ADRA1B: variants seen among roughly 807,000 people sequenced by gnomAD.
ADRA1B encodes adrenoceptor alpha 1B, also known as alpha-1B adrenergic receptor.
Under a neutral mutation model 17.9 loss-of-function variants are expected in ADRA1B, and 17 were observed. That is an observed-to-expected ratio of 0.95 (90% CI 0.65 to 1.42). The LOEUF is 1.42. Ranked by LOEUF, ADRA1B falls within the 40% of genes most tolerant of loss-of-function variation. The pLI is 0.00. For missense variants in ADRA1B, 681 were observed against 722.1 expected (o/e 0.94, Z 0.65); for synonymous variants, 366 against 327.6 (o/e 1.12, Z -1.27).
upstream of ADRA1B, among the ~76,000 whole-genome samples, chr5:159,912,188 CT>C (rs1434511073): frequency 6.6e-6 from 1 of 152,194 alleles, no homozygotes; most frequent in Non-Finnish European, 1.5e-5. Context: ...CCCTGTAGAG[CT>C]AGGAACTATT....
chr5:159,887,785 T>C (rs1174477546), intron 1 of ADRA1B, among the ~76,000 whole-genome samples: 1 of 152,166 alleles, frequency 6.6e-6, no homozygotes. Context: ...AGCCTCTCTG[T>C]GTAGAGGTGG....
At chr5:159,941,514 T>C (rs1187421357) in intron 1 of ADRA1B, among the ~76,000 whole-genome samples, 1 of 152,160 alleles carries the variant, frequency 6.6e-6, no homozygotes, top group Admixed American at 6.5e-5. Flanking sequence ...GACCCAGCAG[T>C]CCGACTCCTA....
At chr5:159,907,955 TCACACA>T (rs371637793) in intron 1 of ADRA1B, among the ~76,000 whole-genome samples, 20 of 147,024 alleles carry the variant, frequency 1.4e-4, no homozygotes, top group Non-Finnish European at 2.3e-4. Context: ...TCTCTCTCTG[TCACACA>T]CACACACACA....
At chr5:159,884,909 A>C (rs1203011910) in intron 1 of ADRA1B, among the ~76,000 whole-genome samples, 1 of 152,252 alleles carries the variant, frequency 6.6e-6, no homozygotes, top group African/African-American at 2.4e-5. Context: ...TCAGTTACAC[A>C]ACTCACTGTT....
chr5:159,953,572 G>A (rs1755491547), intron 1 of ADRA1B, among the ~76,000 whole-genome samples: 1 of 152,102 alleles, frequency 6.6e-6, no homozygotes, highest in South Asian at 2.1e-4. Context: ...CTCTGGGTCG[G>A]GCCTCAAATT....
Position 159,971,869 on chromosome 5 carries a change from C to A in ADRA1B, c.950-10C>A. 2 of 479,574 alleles carry A rather than the reference C, an allele frequency of 4.2e-6. No homozygotes were observed. Among genetic ancestry groups the A allele is most frequent in the Non-Finnish European group, 6.3e-6 (2 of 319,054 alleles). 29.7% of individuals were successfully genotyped at this position (479,574 alleles called of 1,614,324 possible). A position where few individuals can be genotyped will look rare whatever the true frequency, so the allele number is the denominator to read the frequency against. ...CTTTCTGCCCGTGCCCACCCCCCTC[C>A]CCACTGCAGGCTCCTTGTTCTCCAC... On this transcript the variant is annotated splice_polypyrimidine_tract_variant and intron_variant, in intron 1 of 1. Coordinates refer to ENST00000306675, the MANE Select transcript of ADRA1B (RefSeq NM_000679.4).
In ADRA1B at chr5:159,881,822, G is replaced by A. The variant is rs529988498; in HGVS notation, c.-256+16616G>A. ...AGAAGTATACTATCCTAGGATTTCC[G>A]GGCATGGGCTGTAGGGACTGGAGGC... On this transcript the variant is annotated intron_variant, in intron 1 of 2. Coordinates refer to the ADRA1B transcript ENST00000641205. 3.9e-5 allele frequency among the ~76,000 whole-genome samples: 6 copies of A among 152,204 alleles called. No individual in the cohort carries two copies. The South Asian group carries it at 1.0e-3, about 26-fold the overall frequency.
chr5:159,930,514 G>T (rs775986585), intron 1 of ADRA1B, among the ~76,000 whole-genome samples: 14 of 152,168 alleles, frequency 9.2e-5, no homozygotes, highest in Non-Finnish European at 1.6e-4. Flanking sequence ...AGGAGGCGGA[G>T]GTTGCAGTGA....
intron 1 of ADRA1B, among the ~76,000 whole-genome samples, chr5:159,900,959 T>C (rs573028861): frequency 3.6e-4 from 55 of 152,250 alleles, no homozygotes; most frequent in African/African-American, 1.3e-3. Flanking sequence ...GGAGAGAAAA[T>C]AGTTTTAATT....
At chr5:159,962,784 C>A (rs1227425455) in intron 1 of ADRA1B, among the ~76,000 whole-genome samples, 1 of 149,602 alleles carries the variant, frequency 6.7e-6, no homozygotes, top group African/African-American at 2.5e-5. Flanking sequence ...AATCCTCCCA[C>A]CTCAGCCTCC....
chr5:159,987,553 G>T, the ADRA1B span, among the ~76,000 whole-genome samples: 1 of 152,218 alleles, frequency 6.6e-6, no homozygotes, highest in Non-Finnish European at 1.5e-5. Context: ...CGCGCCACCC[G>T]CTGGCCAACG....
At chr5:159,895,373 C>T (rs1043289987) in intron 1 of ADRA1B, among the ~76,000 whole-genome samples, 14 of 152,234 alleles carry the variant, frequency 9.2e-5, no homozygotes, top group Non-Finnish European at 1.8e-4. Flanking sequence ...GTGCTACATG[C>T]TTTCTTTACA....
intron 1 of ADRA1B, among the ~76,000 whole-genome samples, chr5:159,964,425 T>C (rs755411380): frequency 6.6e-6 from 1 of 152,194 alleles, no homozygotes; most frequent in Non-Finnish European, 1.5e-5. Flanking sequence ...TTCTCCACCA[T>C]GATGTTTTAT....
intron 1 of ADRA1B, among the ~76,000 whole-genome samples, chr5:159,925,599 G>T (rs1233004301): frequency 6.6e-6 from 1 of 152,216 alleles, no homozygotes; most frequent in Non-Finnish European, 1.5e-5. Flanking sequence ...AAGATCAGGT[G>T]AGTTGGCATC....
rs185789081 is a variant in ADRA1B at position 159,875,194 on chromosome 5, A to T, written c.-256+9988A>T. On this transcript the variant is annotated intron_variant, in intron 1 of 2. Coordinates refer to the ADRA1B transcript ENST00000641205. Reference sequence around the variant, plus strand: ...AAAACAACAGTGGCCTTTTCAGTAAAATCATGCACAGGACTTATACTAAGA... The same window carrying T: ...AAAACAACAGTGGCCTTTTCAGTAATATCATGCACAGGACTTATACTAAGA... 5.0e-3 allele frequency among the ~76,000 whole-genome samples: 755 copies of T among 152,306 alleles called. 2 individuals are homozygous for T. The highest frequency in any genetic ancestry group is 0.012 in the Admixed American group (188 of 15,304).
intron 1 of ADRA1B, among the ~76,000 whole-genome samples, chr5:159,934,577 G>A (rs1232444280): frequency 6.6e-6 from 1 of 151,996 alleles, no homozygotes; most frequent in African/African-American, 2.4e-5. Context: ...GTCCGAGGCG[G>A]GCGGATCACT....
At chr5:159,893,820 G>A (rs1248654210) in intron 1 of ADRA1B, among the ~76,000 whole-genome samples, 1 of 152,190 alleles carries the variant, frequency 6.6e-6, no homozygotes, top group Non-Finnish European at 1.5e-5. Flanking sequence ...GGGTCAGGAA[G>A]CAAGCGGAAA....
intron 1 of ADRA1B, among the ~76,000 whole-genome samples, chr5:159,891,536 G>A (rs1753982985): frequency 6.6e-6 from 1 of 152,180 alleles, no homozygotes; most frequent in African/African-American, 2.4e-5. Flanking sequence ...AGAGTAGGAA[G>A]GGGAGGCTCT....
At chr5:159,884,182 A>C (rs953143253) in intron 1 of ADRA1B, among the ~76,000 whole-genome samples, 3 of 152,222 alleles carry the variant, frequency 2.0e-5, no homozygotes, top group South Asian at 2.1e-4. Context: ...AAAATAATTG[A>C]TTGTCCCATG....
Sources: allele counts gnomAD v4.1 joint callset (sites outside exome capture counted in the v4.1 genomes callset), GRCh38; gene constraint gnomAD v4.1.1; transcripts MANE v1.5; gene names NCBI Gene and HGNC (gene_info 2026-07-23, HGNC 2026-07-21).